The following PHTF2 variants were observed in gnomAD, a reference collection of about 807,000 sequenced individuals.
PHTF2 encodes the protein protein PHTF2.
In PHTF2, 60 loss-of-function variants were observed where a neutral mutation model predicts 101.2. The ratio of observed to expected loss-of-function variants is 0.59; its 90% CI spans 0.48 to 0.73. The LOEUF is 0.73. Among genes scored for constraint, PHTF2 ranks in the 30% least tolerant of loss-of-function variants. The pLI, the probability that PHTF2 is intolerant of heterozygous loss-of-function variation, is 0.00. For missense variants in PHTF2, 747 were observed against 908.7 expected, an observed-to-expected ratio of 0.82 and a Z score of 2.29; for synonymous variants, 311 against 307.3, an observed-to-expected ratio of 1.01 and a Z score of -0.13.
intron 3 of PHTF2, among the ~76,000 whole-genome samples, chr7:77,881,631 A>G (rs576853666): frequency 6.6e-6 from 1 of 152,140 alleles, no homozygotes; most frequent in East Asian, 1.9e-4. Flanking sequence ...TCGGCCTCCC[A>G]AAGTGCTGGG....
chr7:77,903,926 A>G (rs1021953535), intron 7 of PHTF2, among the ~76,000 whole-genome samples: 2 of 152,178 alleles, frequency 1.3e-5, no homozygotes, highest in East Asian at 3.9e-4. Flanking sequence ...ATAACTATGT[A>G]TAGTTTTTTT....
intron 3 of PHTF2, among the ~76,000 whole-genome samples, chr7:77,881,410 A>G (rs944000914): frequency 2.6e-5 from 4 of 152,136 alleles, no homozygotes; most frequent in African/African-American, 9.7e-5. Flanking sequence ...TGACCACATA[A>G]CATCCAAACA....
Position 77,898,247 on chromosome 7 carries a change from T to C in PHTF2, c.217-2464T>C, listed in dbSNP as rs993654934. Among the ~76,000 whole-genome samples the C allele has an allele frequency of 1.6e-4, 25 of 152,292 alleles. No homozygotes were observed. In the East Asian group the frequency reaches 4.6e-3, roughly 28 times the overall value. Reference sequence around the variant, plus strand: ...CTTTTGATTCTTAAAACAATCTTGATAAAAATTTTAGGTATACAGCAATAA... The same window carrying C: ...CTTTTGATTCTTAAAACAATCTTGACAAAAATTTTAGGTATACAGCAATAA... On this transcript the variant is annotated intron_variant, in intron 5 of 19. Coordinates refer to ENST00000416283, the Ensembl canonical transcript of PHTF2.
At chr7:77,857,346 G>C (rs1307611926) in intron 3 of PHTF2, among the ~76,000 whole-genome samples, 1 of 152,106 alleles carries the variant, frequency 6.6e-6, no homozygotes, top group East Asian at 1.9e-4. Flanking sequence ...AGGCCATCAT[G>C]GTACTCTGGT....
chr7:77,920,203 CAG>C, intron 9 of PHTF2, 74 bp from the exon 9 acceptor site: 2 of 713,346 alleles, frequency 2.8e-6, no homozygotes, highest in Non-Finnish European at 2.3e-6. Context: ...TAATTATTAA[CAG>C]ATTATAATTT....
At chr7:77,941,585 G>T (rs1269986173) in intron 15 of PHTF2, among the ~76,000 whole-genome samples, 5 of 152,152 alleles carry the variant, frequency 3.3e-5, no homozygotes, top group African/African-American at 1.2e-4. Flanking sequence ...TTCAGTGAGG[G>T]AATGTAAGCC....
chr7:77,935,319 T>C (rs1348654786), intron 12 of PHTF2, among the ~76,000 whole-genome samples: 1 of 148,254 alleles, frequency 6.7e-6, no homozygotes, highest in East Asian at 2.1e-4. Context: ...GCCTCCCGGG[T>C]TCACGCCATT....
intron 1 of PHTF2, among the ~76,000 whole-genome samples, chr7:77,799,580 A>T (rs566432107): frequency 2.8e-4 from 43 of 152,312 alleles, no homozygotes; most frequent in African/African-American, 1.0e-3. Flanking sequence ...TCCCGTCTGG[A>T]AACAATACCG....
intron 1 of PHTF2, among the ~76,000 whole-genome samples, chr7:77,816,654 C>T (rs1175218387): frequency 6.6e-6 from 1 of 152,130 alleles, no homozygotes; most frequent in African/African-American, 2.4e-5. Flanking sequence ...TGGTATAGAA[C>T]ACTAGAACTT....
chr7:77,867,264 TAACCCTTCC>T (rs1798144243), intron 3 of PHTF2, among the ~76,000 whole-genome samples: 1 of 152,206 alleles, frequency 6.6e-6, no homozygotes, highest in East Asian at 1.9e-4. Context: ...GGATTAAATG[TAACCCTTCC>T]CAGACATCTC....
At chr7:77,917,602 A>G (rs1172651110) in intron 9 of PHTF2, among the ~76,000 whole-genome samples, 2 of 152,094 alleles carry the variant, frequency 1.3e-5, no homozygotes, top group Non-Finnish European at 2.9e-5. Context: ...TCTGATTCCC[A>G]TTATCCTCAA....
intron 12 of PHTF2, among the ~76,000 whole-genome samples, chr7:77,934,669 G>A (rs1167476256): frequency 2.6e-5 from 4 of 152,114 alleles, no homozygotes; most frequent in Non-Finnish European, 2.9e-5. Context: ...CATATATAGC[G>A]GCCGGGCATG....
At chr7:77,926,107 A>G (rs1803977154) in intron 11 of PHTF2, among the ~76,000 whole-genome samples, 1 of 152,158 alleles carries the variant, frequency 6.6e-6, no homozygotes, top group Non-Finnish European at 1.5e-5. Flanking sequence ...GGCAAAAAAC[A>G]CTTCTAAAGA....
At chr7:77,884,813 C>T (rs747780574) in intron 3 of PHTF2, among the ~76,000 whole-genome samples, 21 of 152,228 alleles carry the variant, frequency 1.4e-4, no homozygotes, top group African/African-American at 3.6e-4. Context: ...GCAGGAGAAT[C>T]GCTTGAACCT....
chr7:77,954,611 T>TATATATATATA lies in PHTF2; in HGVS notation c.2338-247_2338-246insATATATATATA, dbSNP rs1242721205. ...AGATAATCATATTAAACAAGTACTG[T>TATATATATATA]GTATATATATATATATATATATATA... On this transcript the variant is annotated intron_variant, in intron 19 of 19. Coordinates refer to ENST00000416283, the Ensembl canonical transcript of PHTF2. Among the ~76,000 whole-genome samples, 3 of 50,002 alleles carry TATATATATATA rather than the reference T, an allele frequency of 6.0e-5. 1 individual carries two copies. Among genetic ancestry groups the TATATATATATA allele is most frequent in the African/African-American group, 1.7e-4 (3 of 17,256 alleles). 32.8% of individuals were successfully genotyped at this position (50,002 alleles called of 152,430 possible).
chr7:77,927,904 A>G (rs1451674996), intron 11 of PHTF2, among the ~76,000 whole-genome samples: 1 of 152,226 alleles, frequency 6.6e-6, no homozygotes. Flanking sequence ...AGTAGCACAT[A>G]TGAAGATGAG....
intron 1 of PHTF2, among the ~76,000 whole-genome samples, chr7:77,823,226 T>C (rs920501614): frequency 6.7e-6 from 1 of 149,148 alleles, no homozygotes; most frequent in African/African-American, 2.5e-5. Context: ...CTTAAATTAC[T>C]CTCTTTTTTT....
intron 13 of PHTF2, among the ~76,000 whole-genome samples, chr7:77,938,574 CA>C (rs1199953163): frequency 2.7e-5 from 4 of 148,330 alleles, no homozygotes; most frequent in Admixed American, 6.6e-5. Context: ...ACTAAAAATA[CA>C]AAAAAATTAG....
chr7:77,947,538 G>A (rs906757321), intron 16 of PHTF2, among the ~76,000 whole-genome samples: 1 of 152,010 alleles, frequency 6.6e-6, no homozygotes, highest in African/African-American at 2.4e-5. Context: ...ACTCCAGCCT[G>A]GGCGACAGAG....
Sources: allele counts gnomAD v4.1 joint callset (sites outside exome capture counted in the v4.1 genomes callset), GRCh38; gene constraint gnomAD v4.1.1; transcripts MANE v1.5; gene names NCBI Gene and HGNC (gene_info 2026-07-23, HGNC 2026-07-21).